Variants in CFAP251 observed in about 807,000 individuals in gnomAD.
The protein encoded by CFAP251 is cilia and flagella associated protein 251.
Under a neutral mutation model 126.7 loss-of-function variants are expected in CFAP251, and 93 were observed. The observed-to-expected ratio is 0.73, with a 90% confidence interval of 0.62 to 0.87. CFAP251 has a LOEUF of 0.87. Among genes scored for constraint, CFAP251 ranks in the 40% least tolerant of loss-of-function variants. The pLI is 0.00. For missense variants in CFAP251, 1,287 were observed against 1,389.2 expected (o/e 0.93, Z 1.17); for synonymous variants, 503 against 506.9 (o/e 0.99, Z 0.10).
chr12:122,001,216 C>T (rs374127528), intron 20 of CFAP251, among the ~76,000 whole-genome samples: 33 of 151,708 alleles, frequency 2.2e-4, no homozygotes, highest in African/African-American at 7.0e-4. Flanking sequence ...CCACCACACC[C>T]GGCTAATTTT....
intron 19 of CFAP251, among the ~76,000 whole-genome samples, chr12:121,990,369 G>A (rs1368264509): frequency 6.6e-6 from 1 of 152,228 alleles, no homozygotes; most frequent in Non-Finnish European, 1.5e-5. Context: ...CCTCAGGAGG[G>A]TGAGATCCCC....
intron 7 of CFAP251, among the ~76,000 whole-genome samples, chr12:121,947,187 C>T (rs1043554530): frequency 5.3e-5 from 8 of 152,034 alleles, no homozygotes; most frequent in Non-Finnish European, 1.0e-4. Flanking sequence ...TATAATTTGT[C>T]TTCCTTTCCT....
chr12:121,966,829 C>T (rs1304817951), intron 15 of CFAP251, 126 bp from the exon 16 acceptor site: 1 of 738,112 alleles, frequency 1.4e-6, no homozygotes, highest in South Asian at 1.7e-5. Flanking sequence ...TGTGATCCGC[C>T]TGCCTTGGCC....
intron 12 of CFAP251, 57 bp downstream of exon 12, chr12:121,958,579 G>A (rs1881813012): frequency 6.2e-7 from 1 of 1,600,536 alleles, no homozygotes; most frequent in Non-Finnish European, 8.5e-7. Context: ...TGAAAGGGAT[G>A]GATGCACCTG....
chr12:121,935,763 T>C (rs745891299), intron 5 of CFAP251, among the ~76,000 whole-genome samples: 4 of 151,870 alleles, frequency 2.6e-5, no homozygotes, highest in African/African-American at 4.8e-5. Context: ...TGAGGGGAGG[T>C]TGACAGCCCA....
intron 19 of CFAP251, among the ~76,000 whole-genome samples, chr12:121,984,402 G>A (rs1882697670): frequency 6.6e-6 from 1 of 152,018 alleles, no homozygotes; most frequent in Admixed American, 6.6e-5. Context: ...TGCCTCCCAG[G>A]TTCAAGCGAT....
In CFAP251 at chr12:121,999,698, TCCCCA is replaced by T. The variant is rs1593011034; in HGVS notation, c.3007-17_3007-13del. 34 of 1,560,376 alleles carry T rather than the reference TCCCCA, an allele frequency of 2.2e-5. No individual in the cohort carries two copies. In the Admixed American group the frequency reaches 4.1e-4, roughly 19 times the overall value. ...TCTATTTACTGTGGTCTTTTTTTTT[TCCCCA>T]TCTTTCCCCTAGATTGATGATATAT... On this transcript the variant is annotated splice_polypyrimidine_tract_variant and intron_variant, in intron 19 of 21. Coordinates refer to ENST00000288912, the MANE Select transcript of CFAP251 (RefSeq NM_144668.6).
intron 17 of CFAP251, among the ~76,000 whole-genome samples, chr12:121,968,613 A>C (rs982272617): frequency 3.3e-5 from 5 of 151,916 alleles, no homozygotes; most frequent in Non-Finnish European, 7.4e-5. Flanking sequence ...AACATTGGAG[A>C]GTATGTGGAC....
chr12:122,002,591 A>C (rs1051293649), intron 21 of CFAP251, among the ~76,000 whole-genome samples: 2 of 152,098 alleles, frequency 1.3e-5, no homozygotes, highest in Non-Finnish European at 2.9e-5. Flanking sequence ...AGAGAGCATC[A>C]ACTTGGTGGG....
intron 18 of CFAP251, 99 bp downstream of exon 18, chr12:121,975,433 C>T: frequency 6.4e-7 from 1 of 1,562,678 alleles, no homozygotes; most frequent in Non-Finnish European, 8.8e-7. Flanking sequence ...AAGCTTTGTT[C>T]CCCCATTCAG....
chr12:121,926,942 TCAAACAAA>T (rs376861827), intron 3 of CFAP251, among the ~76,000 whole-genome samples: 2 of 152,166 alleles, frequency 1.3e-5, no homozygotes, highest in African/African-American at 4.8e-5. Flanking sequence ...AGACTCTGTT[TCAAACAAA>T]CAAACAAACA....
chr12:121,975,914 A>G (rs976861795), intron 19 of CFAP251, among the ~76,000 whole-genome samples: 4 of 152,058 alleles, frequency 2.6e-5, no homozygotes, highest in African/African-American at 9.7e-5. Flanking sequence ...TGGTTGGAGC[A>G]TGGGTCTTGC....
At position 121,942,622 on chromosome 12, in the gene CFAP251, A is replaced by G. The variant is rs373787328; in HGVS notation, c.1087A>G (p.Thr363Ala). Residue 363 changes from threonine to alanine, a missense_variant, in exon 6 of 22, where the codon ACC becomes GCC. Physicochemically the swap from Thr to Ala is moderately conservative, Grantham distance 58 (BLOSUM62 0). Transcript: ENST00000288912. ...GACCCACGACGCCAAGTATCTGGCA[A>G]CCATCTCAGATGCTGAAGTCCAGGT... is the stretch of plus-strand genomic sequence containing the variant. The part of the protein sequence containing the change: ...AMTHDAKYLA[T>A]ISDAEVQKVC... The G allele has an allele frequency of 1.7e-5, 27 of 1,612,884 alleles. No homozygotes were observed. Among genetic ancestry groups the G allele is most frequent in the Non-Finnish European group, 2.1e-5 (25 of 1,179,982 alleles).
chr12:121,997,024 A>C (rs1247378719), intron 19 of CFAP251: 1 of 152,236 alleles, frequency 6.6e-6, no homozygotes, highest in Non-Finnish European at 1.5e-5. Flanking sequence ...TGCGGGTGAC[A>C]ACTCGAGAGC....
rs200313633 is a variant in CFAP251 at position 121,942,603 on chromosome 12, C to T, written c.1068C>T (p.His356=). The change falls in exon 6 of 22, where the codon CAC becomes CAT. Residue 356 remains histidine (H), a synonymous_variant. Coordinates refer to ENST00000288912, the MANE Select transcript of CFAP251 (RefSeq NM_144668.6). The part of the protein sequence containing the change: ...GNGIMAMAMT[H]DAKYLATISD... ...GCATCATGGCCATGGCCATGACCCA[C>T]GACGCCAAGTATCTGGCAACCATCT... is the stretch of plus-strand genomic sequence containing the variant. 8.1e-4 allele frequency: 1,300 copies of T among 1,613,480 alleles called. 3 individuals are homozygous for T. The highest frequency in any genetic ancestry group is 7.9e-4 in the Non-Finnish European group (927 of 1,180,008).
At chr12:121,978,217 C>A (rs1271426277) in intron 19 of CFAP251, among the ~76,000 whole-genome samples, 32 of 149,924 alleles carry the variant, frequency 2.1e-4, no homozygotes, top group Admixed American at 2.1e-3. Context: ...ACGGTGAAAC[C>A]CCGTCTCTAC....
chr12:121,948,361 T>C (rs1277472876), intron 7 of CFAP251: 1 of 152,268 alleles, frequency 6.6e-6, no homozygotes, highest in Non-Finnish European at 1.5e-5. Flanking sequence ...AATACTGGTT[T>C]ACTTTTGCTT....
intron 13 of CFAP251, 90 bp from the exon 14 acceptor site, chr12:121,960,495 G>A (rs1282405990): frequency 6.9e-7 from 1 of 1,448,186 alleles, no homozygotes; most frequent in African/African-American, 1.4e-5. Context: ...TGGGATTACA[G>A]GCGTGAGCCA....
At position 121,928,625 on chromosome 12, in the gene CFAP251, TGTATATATATAC is replaced by T. The variant is rs1441657237; in HGVS notation, c.748-3109_748-3098del. Among the ~76,000 whole-genome samples the T allele has an allele frequency of 1.2e-3, 44 of 35,238 alleles. 3 individuals carry two copies. Among genetic ancestry groups the T allele is most frequent in the East Asian group, 6.6e-3 (8 of 1,208 alleles). The allele number at this position is 35,238 out of a possible 152,430, so 23.1% of individuals were successfully genotyped here. A position where few individuals can be genotyped will look rare whatever the true frequency, so the allele number is the denominator to read the frequency against. On this transcript the variant is annotated intron_variant, in intron 3 of 21. Transcript: ENST00000288912. The stretch of plus-strand genomic sequence containing the variant: ...GACCCTAGATAATTTTATGTATATG[TGTATATATATAC>T]GTATATATATATATATATACGTATA...
Sources: allele counts gnomAD v4.1 joint callset (sites outside exome capture counted in the v4.1 genomes callset), GRCh38; gene constraint gnomAD v4.1.1; transcripts MANE v1.5; gene names NCBI Gene and HGNC (gene_info 2026-07-23, HGNC 2026-07-21).